The following MARCHF6 variants were observed in gnomAD, a reference collection of about 807,000 sequenced individuals.
MARCHF6 encodes E3 ubiquitin-protein ligase MARCHF6.
Under a neutral mutation model 133.7 loss-of-function variants are expected in MARCHF6, and 31 were observed. That is an observed-to-expected ratio of 0.23 (90% CI 0.17 to 0.31). MARCHF6 has a LOEUF of 0.31. MARCHF6 is among the 10% of genes least tolerant of loss of function. The pLI, the probability that MARCHF6 is intolerant of heterozygous loss-of-function variation, is 1.00. For missense variants in MARCHF6, 723 were observed against 1,121.6 expected (o/e 0.64, Z 5.08); for synonymous variants, 395 against 402.5 (o/e 0.98, Z 0.22).
At chr5:10,399,306 C>A (rs541035325) in intron 10 of MARCHF6, among the ~76,000 whole-genome samples, 1 of 151,578 alleles carries the variant, frequency 6.6e-6, no homozygotes, top group Admixed American at 6.6e-5. Context: ...TAAACTAATA[C>A]GTATATATAA....
chr5:10,353,883 C>A lies in MARCHF6; in HGVS notation c.-16C>A, dbSNP rs1171716993. 1 of 1,562,998 alleles carries A rather than the reference C, an allele frequency of 6.4e-7. No individual in the cohort carries two copies. The highest frequency in any genetic ancestry group is 1.2e-5 in the South Asian group (1 of 85,788). On this transcript the variant is annotated 5_prime_UTR_variant, in exon 1 of 26. Transcript: ENST00000274140. ...GGGAGCCTCGTGGCTGCGTCACCGCCGCCCCCCCAGACAAGATGGACACCG... is the reference window on the plus strand; with the variant it reads ...GGGAGCCTCGTGGCTGCGTCACCGCAGCCCCCCCAGACAAGATGGACACCG...
At chr5:10,411,955 G>A (rs1168051623) in intron 19 of MARCHF6, among the ~76,000 whole-genome samples, 1 of 152,184 alleles carries the variant, frequency 6.6e-6, no homozygotes, top group South Asian at 2.1e-4. Flanking sequence ...TTACATGTTC[G>A]TTAGCAAGTG....
intron 22 of MARCHF6, among the ~76,000 whole-genome samples, chr5:10,422,768 ACAATCTGAG>A (rs1426395084): frequency 6.9e-6 from 1 of 144,046 alleles, no homozygotes; most frequent in Non-Finnish European, 1.5e-5. Context: ...AGGAGAATTA[ACAATCTGAG>A]CAAAGTCCAT....
At chr5:10,362,879 TC>T (rs918056480) in intron 1 of MARCHF6, among the ~76,000 whole-genome samples, 14 of 152,064 alleles carry the variant, frequency 9.2e-5, no homozygotes, top group African/African-American at 3.4e-4. Flanking sequence ...CAGAAATAGA[TC>T]CACACATACA....
Position 10,423,834 on chromosome 5 carries a change from A to T in MARCHF6, c.2373+10A>T. 1 of 1,592,850 alleles carries T rather than the reference A, an allele frequency of 6.3e-7. No homozygotes were observed. On this transcript the variant is annotated intron_variant, in intron 23 of 25. Transcript: ENST00000274140. ...AACTGTAATTGAACAGGTAAGCAAA[A>T]TCAGTTTTCAGAGAAAGACATTCTG... is the stretch of plus-strand genomic sequence containing the variant.
chr5:10,403,603 C>T, intron 15 of MARCHF6, 62 bp downstream of exon 15: 1 of 1,452,460 alleles, frequency 6.9e-7, no homozygotes, highest in Non-Finnish European at 9.4e-7. Flanking sequence ...CTTTCACCAC[C>T]AGTCATGTCT....
At chr5:10,392,182 CTCCT>C (rs1737899748) in intron 7 of MARCHF6, among the ~76,000 whole-genome samples, 1 of 152,178 alleles carries the variant, frequency 6.6e-6, no homozygotes, top group Non-Finnish European at 1.5e-5. Flanking sequence ...TGGTCTCGAT[CTCCT>C]GACCTTGTGA....
intron 25 of MARCHF6, among the ~76,000 whole-genome samples, chr5:10,433,120 C>G (rs1740449457): frequency 6.6e-6 from 1 of 152,136 alleles, no homozygotes; most frequent in African/African-American, 2.4e-5. Context: ...AAACTCCTGA[C>G]CTCAGGTGAT....
intron 20 of MARCHF6, among the ~76,000 whole-genome samples, chr5:10,415,169 T>C (rs149088444): frequency 9.2e-5 from 14 of 152,346 alleles, no homozygotes; most frequent in Middle Eastern, 3.4e-3. Context: ...CAGTTTCATT[T>C]GGTGATAAAA....
At chr5:10,419,830 A>G (rs1739738096) in intron 22 of MARCHF6, among the ~76,000 whole-genome samples, 1 of 152,176 alleles carries the variant, frequency 6.6e-6, no homozygotes, top group South Asian at 2.1e-4. Context: ...CAACCATTTT[A>G]ATTTTGTCCA....
intron 1 of MARCHF6, among the ~76,000 whole-genome samples, chr5:10,358,110 G>C (rs752993785): frequency 9.2e-5 from 14 of 152,032 alleles, no homozygotes; most frequent in Non-Finnish European, 1.6e-4. Flanking sequence ...AGGAGAAGGA[G>C]TTAGCCATGC....
chr5:10,358,415 G>T (rs1216066133), intron 1 of MARCHF6, among the ~76,000 whole-genome samples: 1 of 152,092 alleles, frequency 6.6e-6, no homozygotes, highest in Non-Finnish European at 1.5e-5. Context: ...TGTATTTGTG[G>T]GTTTCGCATC....
intron 23 of MARCHF6, among the ~76,000 whole-genome samples, chr5:10,425,812 G>C (rs1257065924): frequency 6.6e-6 from 1 of 152,102 alleles, no homozygotes; most frequent in Non-Finnish European, 1.5e-5. Context: ...CATTACTCTT[G>C]TAGAATTTTC....
intron 5 of MARCHF6, 30 bp downstream of exon 5, chr5:10,387,096 G>T: frequency 6.6e-7 from 1 of 1,526,092 alleles, no homozygotes; most frequent in South Asian, 1.2e-5. Flanking sequence ...GACGAATGTT[G>T]CATGATGTAG....
chr5:10,438,802 T>G lies in MARCHF6; in HGVS notation c.*5118T>G, dbSNP rs1740744046. 1 of 152,212 alleles carries G rather than the reference T, an allele frequency of 6.6e-6. No homozygotes were observed. Among genetic ancestry groups the G allele is most frequent in the Non-Finnish European group, 1.5e-5 (1 of 68,038 alleles). 9.4% of individuals were successfully genotyped at this position (152,212 alleles called of 1,614,324 possible). A position where few individuals can be genotyped will look rare whatever the true frequency, so the allele number is the denominator to read the frequency against. ...AAAGGTTCACCCGGGAGAGATGGCC[T>G]AGCCACTTCCTTAGTGACTGTTTGG... On this transcript the variant is annotated 3_prime_UTR_variant, in exon 26 of 26. Transcript: ENST00000274140.
At chr5:10,420,394 C>T (rs772502179) in intron 22 of MARCHF6, among the ~76,000 whole-genome samples, 3 of 151,438 alleles carry the variant, frequency 2.0e-5, no homozygotes, top group Non-Finnish European at 4.4e-5. Context: ...CAAAGTGTCA[C>T]CTTATGGATT....
At chr5:10,375,169 G>C (rs185590670) in intron 1 of MARCHF6, among the ~76,000 whole-genome samples, 1 of 152,214 alleles carries the variant, frequency 6.6e-6, no homozygotes, top group South Asian at 2.1e-4. Flanking sequence ...GGAGAGGCGC[G>C]AGCGGGAACT....
intron 1 of MARCHF6, 164 bp downstream of exon 1, chr5:10,354,081 C>G (rs994774866): frequency 1.8e-6 from 1 of 556,344 alleles, no homozygotes. Context: ...GAAGGTGACC[C>G]TCTGCGCGCC....
At chr5:10,382,273 G>C (rs1049856867) in intron 4 of MARCHF6, among the ~76,000 whole-genome samples, 11 of 152,124 alleles carry the variant, frequency 7.2e-5, no homozygotes, top group African/African-American at 2.7e-4. Context: ...GGCCGGGCGC[G>C]GTGGCTTATG....
Sources: gnomAD v4.1 joint callset for allele counts (sites outside exome capture counted in the v4.1 genomes callset) on GRCh38, gnomAD v4.1.1 for gene constraint, MANE v1.5 for transcripts, NCBI Gene and HGNC (gene_info 2026-07-23, HGNC 2026-07-21) for gene names.